PPHLN1: variants seen among roughly 807,000 people sequenced by gnomAD.
PPHLN1 encodes periphilin 1, also known as periphilin-1.
In PPHLN1, 29 loss-of-function variants were observed where a neutral mutation model predicts 51.3. That is an observed-to-expected ratio of 0.57 (90% CI 0.42 to 0.77). PPHLN1 has a LOEUF of 0.77. Among genes scored for constraint, PPHLN1 ranks in the 30% least tolerant of loss-of-function variants. The pLI, the probability that PPHLN1 is intolerant of heterozygous loss-of-function variation, is 0.00. For missense variants in PPHLN1, 436 were observed against 438.4 expected, an observed-to-expected ratio of 0.99 and a Z score of 0.05; for synonymous variants, 147 against 147.8, an observed-to-expected ratio of 0.99 and a Z score of 0.04.
chr12:42,369,646 G>A (rs146989986), intron 4 of PPHLN1, among the ~76,000 whole-genome samples: 14 of 152,284 alleles, frequency 9.2e-5, no homozygotes, highest in East Asian at 1.9e-4. Context: ...GAACTAAAGC[G>A]TAGGGAGATT....
At chr12:42,393,755 G>A (rs1474450929) in intron 8 of PPHLN1, 66 bp downstream of exon 8, 37 of 1,461,834 alleles carry the variant, frequency 2.5e-5, no homozygotes, top group East Asian at 7.1e-5. Context: ...AATTATGGGC[G>A]AAAAATATTT....
chr12:42,400,803 C>T (rs1474039283), intron 9 of PPHLN1, among the ~76,000 whole-genome samples: 2 of 118,224 alleles, frequency 1.7e-5, no homozygotes, highest in East Asian at 8.3e-4. Context: ...CTCTTTCACA[C>T]ACACACACAC....
At chr12:42,442,919 T>A (rs975519150), downstream of PPHLN1, 1 of 1,004,510 alleles carries the variant, frequency 1.0e-6, no homozygotes, top group East Asian at 2.8e-5. Context: ...CAGTGCAAAC[T>A]GTTGTTTCCC....
At chr12:42,387,681 C>A in intron 7 of PPHLN1, 146 bp downstream of exon 7, 1 of 980,810 alleles carries the variant, frequency 1.0e-6, no homozygotes, top group Non-Finnish European at 1.4e-6. Flanking sequence ...GGTGTGGTGG[C>A]TCATGCCTGT....
Position 42,337,933 on chromosome 12 carries a change from GCCA to G in PPHLN1, c.72+1964_72+1966del, listed in dbSNP as rs202156033. On this transcript the variant is annotated intron_variant, in intron 2 of 9. Coordinates refer to ENST00000358314, the MANE Select transcript of PPHLN1 (RefSeq NM_201439.2). ...TGAGTAGCTGGGACTACAGGCACAA[GCCA>G]CCACGCCTGGCTAATTTTTATATTT... is the stretch of plus-strand genomic sequence containing the variant. 5.9e-3 allele frequency among the ~76,000 whole-genome samples: 904 copies of G among 151,990 alleles called. 30 individuals are homozygous for G. The East Asian group carries it at 0.084, about 14-fold the overall frequency.
rs142506641 is a variant in PPHLN1 at position 42,388,394 on chromosome 12, A to C, written c.648+859A>C. On this transcript the variant is annotated intron_variant, in intron 7 of 9. Transcript: ENST00000358314. ...AGAAACATAAATCTGGCCTACTTGC[A>C]CATCCAGGCATAGTACCTCCCCTTG... Among the ~76,000 whole-genome samples the C allele has an allele frequency of 5.4e-3, 821 of 152,292 alleles. 7 individuals carry two copies. The highest frequency in any genetic ancestry group is 0.019 in the African/African-American group (771 of 41,552).
chr12:42,448,206 T>C (rs2083382700), downstream of PPHLN1: 1 of 152,644 alleles, frequency 6.6e-6, no homozygotes, highest in Non-Finnish European at 1.5e-5. Flanking sequence ...TCCATTAAAT[T>C]AGAGAAGTCT....
chr12:42,431,463 C>A (rs2082028977), intron 9 of PPHLN1, among the ~76,000 whole-genome samples: 1 of 152,096 alleles, frequency 6.6e-6, no homozygotes, highest in African/African-American at 2.4e-5. Flanking sequence ...TCTCAAGGAA[C>A]ATCTGATGAT....
intron 9 of PPHLN1, among the ~76,000 whole-genome samples, chr12:42,426,231 C>CG (rs1592943049): frequency 6.8e-6 from 1 of 147,336 alleles, no homozygotes; most frequent in East Asian, 2.0e-4. Flanking sequence ...CACACACACC[C>CG]TCATGCATTG....
intron 9 of PPHLN1, among the ~76,000 whole-genome samples, chr12:42,425,418 G>T (rs2081368391): frequency 1.5e-5 from 2 of 136,702 alleles, no homozygotes; most frequent in Admixed American, 1.5e-4. Flanking sequence ...ATGGAGTCTT[G>T]CTCTGTCGCC....
chr12:42,334,892 A>G (rs1234869254), intron 1 of PPHLN1, among the ~76,000 whole-genome samples: 2 of 152,220 alleles, frequency 1.3e-5, no homozygotes, highest in Admixed American at 1.3e-4. Flanking sequence ...CAGTTTACAC[A>G]CTTATACATT....
intron 8 of PPHLN1, among the ~76,000 whole-genome samples, chr12:42,396,435 G>A (rs2078201790): frequency 6.6e-6 from 1 of 151,918 alleles, no homozygotes; most frequent in Non-Finnish European, 1.5e-5. Flanking sequence ...AAGTTTTGTA[G>A]AGATATAATT....
chr12:42,432,752 T>C (rs2082148956), intron 9 of PPHLN1, among the ~76,000 whole-genome samples: 1 of 152,248 alleles, frequency 6.6e-6, no homozygotes. Flanking sequence ...CATTAAATTT[T>C]CTCTCACAAC....
chr12:42,348,617 C>G (rs2072733481), intron 2 of PPHLN1, among the ~76,000 whole-genome samples: 1 of 152,130 alleles, frequency 6.6e-6, no homozygotes, highest in Middle Eastern at 3.2e-3. Flanking sequence ...AATAAGCTCT[C>G]TATTCATAGA....
At chr12:42,426,503 C>T (rs918093339) in intron 9 of PPHLN1, among the ~76,000 whole-genome samples, 1 of 152,094 alleles carries the variant, frequency 6.6e-6, no homozygotes, top group East Asian at 1.9e-4. Context: ...CTCTGCTTCA[C>T]TATTTTTATA....
At chr12:42,375,794 A>G (rs945451956) in intron 5 of PPHLN1, among the ~76,000 whole-genome samples, 8 of 152,204 alleles carry the variant, frequency 5.3e-5, no homozygotes, top group African/African-American at 1.9e-4. Flanking sequence ...GAATAAATTA[A>G]TGACACAACT....
At chr12:42,417,897 A>G (rs2139635378) in intron 9 of PPHLN1, among the ~76,000 whole-genome samples, 1 of 145,522 alleles carries the variant, frequency 6.9e-6, no homozygotes, top group East Asian at 2.2e-4. Context: ...CTAAAGAGGG[A>G]AAAAAGAAAA....
At chr12:42,371,971 A>G (rs1204088088) in intron 4 of PPHLN1, among the ~76,000 whole-genome samples, 2 of 152,126 alleles carry the variant, frequency 1.3e-5, no homozygotes, top group Admixed American at 6.5e-5. Flanking sequence ...TTTTCCATCT[A>G]TTTACAAAGT....
At chr12:42,395,930 A>G (rs1205750806) in intron 8 of PPHLN1, among the ~76,000 whole-genome samples, 3 of 152,198 alleles carry the variant, frequency 2.0e-5, no homozygotes, top group Non-Finnish European at 4.4e-5. Flanking sequence ...GTCCAGTGAA[A>G]TTGAAGGTAA....
Sources: allele counts gnomAD v4.1 joint callset (sites outside exome capture counted in the v4.1 genomes callset), GRCh38; gene constraint gnomAD v4.1.1; transcripts MANE v1.5; gene names NCBI Gene and HGNC (gene_info 2026-07-23, HGNC 2026-07-21).